AKAP19: variants seen among roughly 807,000 people sequenced by gnomAD.
AKAP19 encodes the protein small A-kinase anchoring protein.
chr2:190,156,551 G>C, the AKAP19 span, among the ~76,000 whole-genome samples: 1 of 152,030 alleles, frequency 6.6e-6, no homozygotes, highest in African/African-American at 2.4e-5. Flanking sequence ...AGAAGATTTG[G>C]ACTATACTAA....
At chr2:189,960,022 A>G in the AKAP19 span, among the ~76,000 whole-genome samples, 1 of 152,204 alleles carries the variant, frequency 6.6e-6, no homozygotes, top group Non-Finnish European at 1.5e-5. Context: ...AGGCATCAAA[A>G]AGAATGAAAA....
chr2:190,163,010 G>T, the AKAP19 span, among the ~76,000 whole-genome samples: 1 of 152,170 alleles, frequency 6.6e-6, no homozygotes, highest in Non-Finnish European at 1.5e-5. Flanking sequence ...GAGTAAGCCT[G>T]TTTCAGGATT....
the AKAP19 span, chr2:189,931,110 T>G: frequency 2.7e-6 from 1 of 366,786 alleles, no homozygotes; most frequent in East Asian, 4.2e-5. Flanking sequence ...TGAGACTATG[T>G]AAATATATTG....
the AKAP19 span, chr2:190,180,620 C>T: frequency 1.0e-6 from 1 of 985,610 alleles, no homozygotes; most frequent in Non-Finnish European, 1.2e-6. This position sits in a 1 kb window ranked among gnomAD's most constrained non-coding sequence, Gnocchi z 6.8. Flanking sequence ...GCTGGCAGCC[C>T]AGCTCCGCTC....
At chr2:190,058,139 A>G in the AKAP19 span, among the ~76,000 whole-genome samples, 1,783 of 152,190 alleles carry the variant, frequency 0.012, 42 homozygotes, top group African/African-American at 0.041. Context: ...AAACCAGGGC[A>G]AAATAGGGAA....
the AKAP19 span, among the ~76,000 whole-genome samples, chr2:189,937,858 C>A: frequency 6.6e-6 from 1 of 152,058 alleles, no homozygotes; most frequent in Admixed American, 6.6e-5. Flanking sequence ...GGAGTTTCCT[C>A]AAAAAACTAA....
At chr2:190,077,666 C>T in the AKAP19 span, among the ~76,000 whole-genome samples, 1 of 151,938 alleles carries the variant, frequency 6.6e-6, no homozygotes, top group Non-Finnish European at 1.5e-5. Context: ...CTTAGTAAGT[C>T]TAGTAATTTT....
At chr2:190,081,344 T>A in the AKAP19 span, among the ~76,000 whole-genome samples, 4 of 152,016 alleles carry the variant, frequency 2.6e-5, no homozygotes, top group Non-Finnish European at 5.9e-5. Flanking sequence ...TTACAAGACC[T>A]CCTTTAACCC....
the AKAP19 span, among the ~76,000 whole-genome samples, chr2:190,086,313 G>A: frequency 6.6e-6 from 1 of 152,174 alleles, no homozygotes; most frequent in Non-Finnish European, 1.5e-5. Context: ...TTGTTAGTAG[G>A]AGCAGTCCTC....
chr2:189,898,434 A>G, the AKAP19 span, among the ~76,000 whole-genome samples: 3 of 151,978 alleles, frequency 2.0e-5, no homozygotes, highest in Non-Finnish European at 2.9e-5. Flanking sequence ...CACAAACATA[A>G]TTTCCCACCT....
the AKAP19 span, among the ~76,000 whole-genome samples, chr2:190,085,966 A>G: frequency 6.6e-6 from 1 of 152,212 alleles, no homozygotes; most frequent in Non-Finnish European, 1.5e-5. Flanking sequence ...TAGCCAAAAA[A>G]CAAACCTAAA....
At chr2:190,098,481 T>C in the AKAP19 span, among the ~76,000 whole-genome samples, 1 of 152,178 alleles carries the variant, frequency 6.6e-6, no homozygotes, top group Non-Finnish European at 1.5e-5. Flanking sequence ...AACAGTGGAC[T>C]TAAAATAGTC....
At chr2:190,171,831 T>C in the AKAP19 span, among the ~76,000 whole-genome samples, 1 of 152,204 alleles carries the variant, frequency 6.6e-6, no homozygotes, top group African/African-American at 2.4e-5. Flanking sequence ...TCTTTGTTAT[T>C]GTCTCAGGCA....
At chr2:190,071,855 CAA>C in the AKAP19 span, among the ~76,000 whole-genome samples, 1 of 149,918 alleles carries the variant, frequency 6.7e-6, no homozygotes, top group Non-Finnish European at 1.5e-5. Context: ...CAAATGCTAA[CAA>C]AAAAGAACTG....
chr2:190,199,501 A>C, the AKAP19 span, among the ~76,000 whole-genome samples: 15 of 152,216 alleles, frequency 9.9e-5, no homozygotes, highest in Admixed American at 9.2e-4. Flanking sequence ...ATCTTGAAAA[A>C]AAGTTTTCCT....
At chr2:189,985,479 T>C in the AKAP19 span, among the ~76,000 whole-genome samples, 2 of 152,202 alleles carry the variant, frequency 1.3e-5, no homozygotes, top group African/African-American at 4.8e-5. Context: ...CTCTGGATAG[T>C]CGGGAATGCA....
the AKAP19 span, among the ~76,000 whole-genome samples, chr2:189,998,773 T>TTC: frequency 4.4e-5 from 4 of 90,748 alleles, no homozygotes; most frequent in South Asian, 3.4e-4. Context: ...CTTTCTTTCT[T>TTC]TTTTTTTTTT....
the AKAP19 span, among the ~76,000 whole-genome samples, chr2:190,071,534 G>T: frequency 2.0e-5 from 3 of 151,994 alleles, no homozygotes; most frequent in African/African-American, 7.3e-5. Flanking sequence ...ATACCATCTG[G>T]GTTTGTGTAA....
the AKAP19 span, among the ~76,000 whole-genome samples, chr2:189,939,097 A>C: frequency 6.6e-6 from 1 of 152,176 alleles, no homozygotes; most frequent in Non-Finnish European, 1.5e-5. Context: ...GAAGGAAGAA[A>C]TATTCCTGAG....
Sources: gnomAD v4.1 joint callset for allele counts (sites outside exome capture counted in the v4.1 genomes callset) on GRCh38, gnomAD v4.1.1 for gene constraint, Gnocchi (gnomAD v3.1) non-coding constraint, MANE v1.5 for transcripts, NCBI Gene and HGNC (gene_info 2026-07-23, HGNC 2026-07-21) for gene names.